TRIO: variants seen among roughly 807,000 people sequenced by gnomAD.
TRIO encodes trio Rho guanine nucleotide exchange factor.
Under a neutral mutation model 351.9 loss-of-function variants are expected in TRIO, and 58 were observed. The ratio of observed to expected loss-of-function variants is 0.16; its 90% CI spans 0.13 to 0.21. TRIO has a LOEUF of 0.21. Among genes scored for constraint, TRIO ranks in the 10% least tolerant of loss-of-function variants. The pLI is 1.00. For missense variants in TRIO, 3,201 were observed against 4,027.8 expected, an observed-to-expected ratio of 0.79 and a Z score of 5.56; for synonymous variants, 1,758 against 1,595.7, an observed-to-expected ratio of 1.10 and a Z score of -2.42.
chr5:14,490,512 G>A (rs1439925773), intron 48 of TRIO, among the ~76,000 whole-genome samples: 1 of 152,264 alleles, frequency 6.6e-6, no homozygotes, highest in East Asian at 1.9e-4. Context: ...CCTTCCTGCA[G>A]CTCAGTGGTC....
At chr5:14,174,899 A>T (rs544998828) in intron 1 of TRIO, among the ~76,000 whole-genome samples, 1 of 152,336 alleles carries the variant, frequency 6.6e-6, no homozygotes, top group African/African-American at 2.4e-5. Context: ...GATACTGCAG[A>T]TATTTTTAAT....
chr5:14,282,483 A>G (rs1736088595), intron 3 of TRIO, among the ~76,000 whole-genome samples: 1 of 152,204 alleles, frequency 6.6e-6, no homozygotes, highest in Admixed American at 6.5e-5. Flanking sequence ...AACCTATGTT[A>G]ATAGTAAATA....
chr5:14,238,460 G>A (rs762238535), intron 1 of TRIO, among the ~76,000 whole-genome samples: 56 of 152,182 alleles, frequency 3.7e-4, no homozygotes, highest in South Asian at 4.1e-4. Context: ...AGCCTCCAGG[G>A]CTCCACCAGC....
rs150669074 is a variant in TRIO at position 14,172,465 on chromosome 5, G to A, written c.157+28583G>A. Among the ~76,000 whole-genome samples the A allele has an allele frequency of 1.8e-3, 272 of 152,332 alleles. 4 individuals are homozygous for A. The South Asian group carries it at 0.034, about 19-fold the overall frequency. The stretch of plus-strand genomic sequence containing the variant: ...CAGTCACTTTCAAGTGGCAGTCAGA[G>A]TGTTGACCAGGCACACAGAATAAAG... On this transcript the variant is annotated intron_variant, in intron 1 of 56. Transcript: ENST00000344204.
Position 14,290,969 on chromosome 5 carries a change from A to T in TRIO, c.794A>T (p.Lys265Met), listed in dbSNP as rs778237655. Residue 265 changes from lysine to methionine, a missense_variant, in exon 5 of 57, where the codon AAG becomes ATG. Physicochemically the swap from Lys to Met is moderately conservative, Grantham distance 95 (BLOSUM62 -1). Transcript: ENST00000344204. ...ATCGAGGAACATTCTCAGCTGAAGAAGAAGGTGATTAAGGCCCCCATCGAG... is the reference window on the plus strand; with the variant it reads ...ATCGAGGAACATTCTCAGCTGAAGATGAAGGTGATTAAGGCCCCCATCGAG... ...NMIEEHSQLK[K>M]KVIKAPIEDL... 3.1e-6 allele frequency: 5 copies of T among 1,614,122 alleles called. No individual in the cohort carries two copies. In the East Asian group the frequency reaches 1.1e-4, roughly 36 times the overall value.
rs199513532 is a variant in TRIO, at chr5:14,393,667, CACAGCAAGGAAT to C, written c.4219-355_4219-344del. ...GAGTAGCACAGACAGGGCCTGTCTT[CACAGCAAGGAAT>C]ACAGCAAGGAATACAACCAGTTGTA... On this transcript the variant is annotated intron_variant, in intron 27 of 56. Coordinates refer to ENST00000344204, the MANE Select transcript of TRIO (RefSeq NM_007118.4). Among the ~76,000 whole-genome samples, 1,187 of 152,238 alleles carry C rather than the reference CACAGCAAGGAAT, an allele frequency of 7.8e-3. 18 individuals are homozygous for C. Among genetic ancestry groups the C allele is most frequent in the African/African-American group, 0.027 (1,126 of 41,516 alleles).
intron 8 of TRIO, among the ~76,000 whole-genome samples, chr5:14,314,524 A>G (rs1206066303): frequency 6.6e-6 from 1 of 151,312 alleles, no homozygotes; most frequent in Admixed American, 6.5e-5. Flanking sequence ...TAAAGTTCCA[A>G]AGAAAACCAA....
Position 14,290,712 on chromosome 5 carries a change from TAAG to T in TRIO, c.541-2_541del. 4 of 1,584,074 alleles carry T rather than the reference TAAG, an allele frequency of 2.5e-6. No individual in the cohort carries two copies. Among genetic ancestry groups the T allele is most frequent in the Admixed American group, 3.7e-5 (2 of 54,680 alleles). On this transcript the variant is annotated splice_acceptor_variant and splice_polypyrimidine_tract_variant and intron_variant, in intron 4 of 56. Transcript: ENST00000344204. LOFTEE classifies it high-confidence loss of function. ...TTCTCATACGTGATTTTTTTTCCCT[TAAG>T]ACAAATATGGTCTCTTTAGAAGGCC...
At chr5:14,397,606 A>G (rs1270995965) in intron 29 of TRIO, among the ~76,000 whole-genome samples, 1 of 152,240 alleles carries the variant, frequency 6.6e-6, no homozygotes, top group Non-Finnish European at 1.5e-5. Flanking sequence ...AGAAAATTAG[A>G]TAAATATGTT....
chr5:14,398,881 G>A lies in TRIO; in HGVS notation c.4425G>A (p.Gly1475=). ...NDAMHLSMLE[G]FDENIESQGE... The stretch of plus-strand genomic sequence containing the variant: ...TGCCTCCCTTTTTTCATGTTGTAGG[G>A]TTTGATGAAAACATTGAGTCTCAGG... Residue 1475 remains glycine, a splice_region_variant and synonymous_variant, in exon 30 of 57, where the codon GGG becomes GGA. Coordinates refer to ENST00000344204, the MANE Select transcript of TRIO (RefSeq NM_007118.4). 1 of 1,610,520 alleles carries A rather than the reference G, an allele frequency of 6.2e-7. No homozygotes were observed. Among genetic ancestry groups the A allele is most frequent in the Non-Finnish European group, 8.5e-7 (1 of 1,178,652 alleles).
intron 16 of TRIO, among the ~76,000 whole-genome samples, chr5:14,367,585 T>C (rs548067795): frequency 2.6e-5 from 4 of 152,324 alleles, no homozygotes; most frequent in African/African-American, 9.6e-5. Flanking sequence ...CAATTAACTG[T>C]CAGCATGTGG....
Position 14,508,359 on chromosome 5 carries a change from T to A in TRIO, c.9231T>A (p.Asn3077Lys). The part of the protein sequence containing the change: ...TSFIERRKHQ[N>K]DVRPIRSIKN... ...TCATTGAGCGGCGCAAACACCAGAA[T>A]GATGTTCGACCTATCCGTAGCATTA... The change falls in exon 57 of 57, where the codon AAT (asparagine) becomes AAA (lysine). Residue 3077 changes from asparagine to lysine, a missense_variant. Physicochemically the swap from Asn to Lys is moderately conservative, Grantham distance 94. Transcript: ENST00000344204. 6.2e-7 allele frequency: 1 copy of A among 1,614,014 alleles called. No homozygotes were observed. Among genetic ancestry groups the A allele is most frequent in the Non-Finnish European group, 8.5e-7 (1 of 1,180,052 alleles).
chr5:14,477,307 A>G (rs935331674), intron 41 of TRIO: 3 of 196,194 alleles, frequency 1.5e-5, no homozygotes, highest in East Asian at 1.2e-4. Flanking sequence ...ATAACAGCCA[A>G]ATAGTGTGGA....
chr5:14,474,121 G>A lies in TRIO; in HGVS notation c.6083+24G>A, dbSNP rs184968253. Reference sequence around the variant, plus strand: ...GAGTACGTAAACATGCATTGTGCCCGATGGTGTGCAAAGCAGCCACACTTG... The same window carrying A: ...GAGTACGTAAACATGCATTGTGCCCAATGGTGTGCAAAGCAGCCACACTTG... On this transcript the variant is annotated intron_variant, in intron 40 of 56. Transcript: ENST00000344204. The A allele has an allele frequency of 2.3e-4, 365 of 1,599,652 alleles. 3 individuals are homozygous for A. The highest frequency in any genetic ancestry group is 1.3e-3 in the South Asian group (119 of 90,408).
chr5:14,506,108 G>T (rs1757662163), intron 55 of TRIO, among the ~76,000 whole-genome samples: 1 of 152,180 alleles, frequency 6.6e-6, no homozygotes, highest in African/African-American at 2.4e-5. Flanking sequence ...CTCCTTTCTG[G>T]CTCCAGACGC....
chr5:14,162,370 A>G, intron 1 of TRIO, among the ~76,000 whole-genome samples: 1 of 152,232 alleles, frequency 6.6e-6, no homozygotes, highest in Non-Finnish European at 1.5e-5. Flanking sequence ...GTAAATTATC[A>G]GAACAGATGG....
At chr5:14,184,384 C>T (rs1302352930) in intron 1 of TRIO, among the ~76,000 whole-genome samples, 1 of 152,226 alleles carries the variant, frequency 6.6e-6, no homozygotes, top group East Asian at 1.9e-4. Context: ...GGGATCACAG[C>T]TTCCCTTCTG....
At chr5:14,235,824 AT>A (rs964352806) in intron 1 of TRIO, among the ~76,000 whole-genome samples, 16 of 151,996 alleles carry the variant, frequency 1.1e-4, no homozygotes, top group African/African-American at 3.9e-4. Flanking sequence ...TTAATTTTTA[AT>A]TAAAAAAAAT....
intron 48 of TRIO, chr5:14,488,851 C>T (rs1756252468): frequency 1.4e-6 from 1 of 706,862 alleles, no homozygotes; most frequent in Admixed American, 2.0e-5. Context: ...ACAGAGACTG[C>T]TCTGGGCACC....
Sources: gnomAD v4.1 joint callset for allele counts (sites outside exome capture counted in the v4.1 genomes callset) on GRCh38, gnomAD v4.1.1 for gene constraint, MANE v1.5 for transcripts, NCBI Gene and HGNC (gene_info 2026-07-23, HGNC 2026-07-21) for gene names.